FLT3: variants seen among roughly 807,000 people sequenced by gnomAD.
FLT3 encodes the protein receptor-type tyrosine-protein kinase FLT3.
In FLT3, 46 loss-of-function variants were observed where a neutral mutation model predicts 126.6. That is an observed-to-expected ratio of 0.36 (90% confidence interval 0.29 to 0.46). The LOEUF is 0.46. Ranked by LOEUF, FLT3 falls within the 20% of genes least tolerant of loss-of-function variation. The pLI is 1.00. For missense variants in FLT3, 1,069 were observed against 1,190.3 expected, an observed-to-expected ratio of 0.90 and a Z score of 1.50; for synonymous variants, 404 against 434.4, an observed-to-expected ratio of 0.93 and a Z score of 0.87.
chr13:28,098,146 C>G (rs1879584013), intron 1 of FLT3, among the ~76,000 whole-genome samples: 1 of 151,842 alleles, frequency 6.6e-6, no homozygotes, highest in South Asian at 2.1e-4. Flanking sequence ...GAAACCTCGT[C>G]TCTACTAAAA....
In FLT3 at chr13:28,100,529, T is replaced by C. The variant is rs1879766415; in HGVS notation, c.-19A>G. Reference sequence around the variant, plus strand: ...CCGGCATGGCCTCCGGAGCCCGGGGTCCCCAGGCCGCGCCGGCCCAGCCCT... The same window carrying C: ...CCGGCATGGCCTCCGGAGCCCGGGGCCCCCAGGCCGCGCCGGCCCAGCCCT... On this transcript the variant is annotated 5_prime_UTR_variant, in exon 1 of 24. Transcript: ENST00000241453. The surrounding 1 kb of genome is among the most constrained non-coding windows in gnomAD (Gnocchi z 4.8). 2 of 1,211,530 alleles carry C rather than the reference T, an allele frequency of 1.7e-6. No individual in the cohort carries two copies. Among genetic ancestry groups the C allele is most frequent in the East Asian group, 6.6e-5 (2 of 30,082 alleles). The allele number at this position is 1,211,530 out of a possible 1,614,324, so 75.0% of individuals were successfully genotyped here.
intron 3 of FLT3, among the ~76,000 whole-genome samples, chr13:28,058,443 C>T (rs1477019327): frequency 1.3e-5 from 2 of 151,774 alleles, no homozygotes; most frequent in Non-Finnish European, 2.9e-5. Context: ...ACCCGGGAGG[C>T]GGAGGTTGCG....
intron 2 of FLT3, chr13:28,068,341 T>G (rs1877210527): frequency 6.6e-6 from 1 of 152,324 alleles, no homozygotes; most frequent in Non-Finnish European, 1.5e-5. Flanking sequence ...TGATATGGTT[T>G]GGATGTGTGT....
chr13:28,016,280 T>C (rs544906348), intron 20 of FLT3, among the ~76,000 whole-genome samples: 1 of 152,058 alleles, frequency 6.6e-6, no homozygotes. Flanking sequence ...CTTTCTCTTT[T>C]TTTTTTTGAG....
chr13:28,094,831 CAT>C (rs1261458265), intron 1 of FLT3, among the ~76,000 whole-genome samples: 1 of 152,176 alleles, frequency 6.6e-6, no homozygotes, highest in African/African-American at 2.4e-5. Context: ...ATTTCCTTCA[CAT>C]GTGTTGGTAC....
intron 9 of FLT3, among the ~76,000 whole-genome samples, chr13:28,045,330 C>A (rs942608552): frequency 1.3e-5 from 2 of 152,192 alleles, no homozygotes; most frequent in African/African-American, 4.8e-5. Context: ...ATCACAGCAT[C>A]ACACCCATCA....
Position 28,024,892 on chromosome 13 carries a change from T to C in FLT3, c.2259A>G (p.Ser753=), listed in dbSNP as rs986757648. The change falls in exon 18 of 24, where the codon TCA becomes TCG. Residue 753 remains serine, a synonymous_variant. Coordinates refer to ENST00000241453, the MANE Select transcript of FLT3 (RefSeq NM_004119.3). The part of the protein sequence containing the change: ...VQIHPDSDQI[S]GLHGNSFHSE... ...AGTGAAATGAATTCCCATGAAGCCCTGAGATTTGATCCGAGTCCGGGTGTA... is the reference window on the plus strand; with the variant it reads ...AGTGAAATGAATTCCCATGAAGCCCCGAGATTTGATCCGAGTCCGGGTGTA... 6.2e-7 allele frequency: 1 copy of C among 1,610,942 alleles called. No homozygotes were observed. Among genetic ancestry groups the C allele is most frequent in the African/African-American group, 1.3e-5 (1 of 75,014 alleles).
intron 9 of FLT3, among the ~76,000 whole-genome samples, chr13:28,038,305 C>T (rs1002955279): frequency 6.6e-6 from 1 of 151,958 alleles, no homozygotes; most frequent in Non-Finnish European, 1.5e-5. Flanking sequence ...GCAGGAGAGG[C>T]AGGGCAGCAA....
chr13:28,035,875 G>T lies in FLT3; in HGVS notation c.1418+60C>A, dbSNP rs1873790916. 3.7e-6 allele frequency: 5 copies of T among 1,360,758 alleles called. No homozygotes were observed. In the Admixed American group the frequency reaches 6.9e-5, roughly 19 times the overall value. 84.3% of individuals were successfully genotyped at this position (1,360,758 alleles called of 1,614,324 possible). On this transcript the variant is annotated intron_variant, in intron 11 of 23. Coordinates refer to ENST00000241453, the MANE Select transcript of FLT3 (RefSeq NM_004119.3). ...CCTCTTAAACTGTATTCATGAAAGAGTCAATAGGTCAGAGAGTTTTATGTT... is the reference window on the plus strand; with the variant it reads ...CCTCTTAAACTGTATTCATGAAAGATTCAATAGGTCAGAGAGTTTTATGTT...
intron 12 of FLT3, 22 bp downstream of exon 12, chr13:28,035,473 A>T (rs1206057788): frequency 6.2e-7 from 1 of 1,600,258 alleles, no homozygotes; most frequent in South Asian, 1.1e-5. Context: ...ATGGTGGAAT[A>T]TCACAAGAAC....
chr13:28,082,132 A>G (rs1039856295), intron 1 of FLT3, among the ~76,000 whole-genome samples: 1 of 150,530 alleles, frequency 6.6e-6, no homozygotes, highest in Non-Finnish European at 1.5e-5. Context: ...CTGGGATTAT[A>G]GGCGTGAGCC....
At chr13:28,026,688 G>A (rs768801544) in intron 17 of FLT3, among the ~76,000 whole-genome samples, 1 of 152,188 alleles carries the variant, frequency 6.6e-6, no homozygotes, top group African/African-American at 2.4e-5. Flanking sequence ...TGAGTTCAGC[G>A]TTCTTTTGCG....
intron 2 of FLT3, among the ~76,000 whole-genome samples, chr13:28,066,866 A>C (rs991558019): frequency 1.3e-5 from 2 of 152,242 alleles, no homozygotes; most frequent in Non-Finnish European, 2.9e-5. Flanking sequence ...CATCCCCTCC[A>C]AGACACTTAT....
At chr13:28,037,687 G>A (rs1873965905) in intron 9 of FLT3, among the ~76,000 whole-genome samples, 1 of 152,164 alleles carries the variant, frequency 6.6e-6, no homozygotes, top group Non-Finnish European at 1.5e-5. Context: ...TGTGCAGGTG[G>A]AGAAGCCTGT....
intron 23 of FLT3, among the ~76,000 whole-genome samples, chr13:28,011,719 TTCTTTCTC>T (rs375470859): frequency 2.5e-3 from 207 of 81,348 alleles, no homozygotes; most frequent in African/African-American, 7.9e-3. Context: ...TTCTCTTTCT[TTCTTTCTC>T]TCTTTCTTCT....
At chr13:28,050,967 C>T (rs1875397343) in intron 5 of FLT3, among the ~76,000 whole-genome samples, 1 of 152,104 alleles carries the variant, frequency 6.6e-6, no homozygotes, top group African/African-American at 2.4e-5. Context: ...TTAGTATTGG[C>T]TAGGCACTGT....
chr13:28,051,286 G>A (rs1158431864), intron 5 of FLT3, among the ~76,000 whole-genome samples: 1 of 151,870 alleles, frequency 6.6e-6, no homozygotes, highest in Non-Finnish European at 1.5e-5. Context: ...ACCCAGGCTG[G>A]AGTGCAATGG....
intron 4 of FLT3, among the ~76,000 whole-genome samples, chr13:28,057,091 C>T (rs1473327445): frequency 6.6e-6 from 1 of 152,208 alleles, no homozygotes; most frequent in Non-Finnish European, 1.5e-5. Context: ...CCATCTGCTA[C>T]TGAACAGAGG....
chr13:28,016,870 G>A (rs1871908493), intron 20 of FLT3, among the ~76,000 whole-genome samples: 1 of 152,152 alleles, frequency 6.6e-6, no homozygotes, highest in Non-Finnish European at 1.5e-5. Context: ...TGTTTCTAGT[G>A]GGAATACAGT....
Sources: gnomAD v4.1 joint callset for allele counts (sites outside exome capture counted in the v4.1 genomes callset) on GRCh38, gnomAD v4.1.1 for gene constraint, Gnocchi (gnomAD v3.1) non-coding constraint, MANE v1.5 for transcripts, NCBI Gene and HGNC (gene_info 2026-07-23, HGNC 2026-07-21) for gene names.